Variants in RABGAP1L observed in about 807,000 individuals in gnomAD.
RABGAP1L encodes the protein rab GTPase-activating protein 1-like.
In RABGAP1L, 63 loss-of-function variants were observed where a neutral mutation model predicts 137.7. The ratio of observed to expected loss-of-function variants is 0.46; its 90% CI spans 0.37 to 0.56. RABGAP1L has a LOEUF of 0.56. Ranked by LOEUF, RABGAP1L falls within the 20% of genes least tolerant of loss-of-function variation. The pLI, the probability that RABGAP1L is intolerant of heterozygous loss-of-function variation, is 0.00. For missense variants in RABGAP1L, 1,095 were observed against 1,244.0 expected (o/e 0.88, Z 1.80); for synonymous variants, 431 against 433.7 (o/e 0.99, Z 0.08).
intron 19 of RABGAP1L, among the ~76,000 whole-genome samples, chr1:174,819,567 G>T (rs537491982): frequency 2.4e-4 from 36 of 152,268 alleles, no homozygotes; most frequent in African/African-American, 8.7e-4. Context: ...AAGAGCAAAG[G>T]AACCTGACCT....
At chr1:174,621,022 C>G (rs916375127) in intron 13 of RABGAP1L, among the ~76,000 whole-genome samples, 5 of 152,076 alleles carry the variant, frequency 3.3e-5, no homozygotes, top group Admixed American at 2.0e-4. Context: ...CACAAATAAA[C>G]TAGAAAATCT....
At chr1:174,977,350 G>A (rs1670734092) in intron 22 of RABGAP1L, among the ~76,000 whole-genome samples, 1 of 152,096 alleles carries the variant, frequency 6.6e-6, no homozygotes, top group Non-Finnish European at 1.5e-5. Context: ...GCTCCTTAAT[G>A]GGTTTTGTTT....
At chr1:174,261,228 A>G (rs1362922019) in intron 7 of RABGAP1L, among the ~76,000 whole-genome samples, 1 of 152,146 alleles carries the variant, frequency 6.6e-6, no homozygotes, top group Non-Finnish European at 1.5e-5. Flanking sequence ...ACATGGGCCA[A>G]CACTGTTGGA....
intron 13 of RABGAP1L, among the ~76,000 whole-genome samples, chr1:174,470,976 C>T (rs1287966438): frequency 6.6e-6 from 1 of 151,888 alleles, no homozygotes; most frequent in Non-Finnish European, 1.5e-5. Flanking sequence ...ACATATTAAG[C>T]TTTTTTGTAT....
At chr1:174,880,033 C>T (rs1197284962) in intron 19 of RABGAP1L, among the ~76,000 whole-genome samples, 2 of 140,042 alleles carry the variant, frequency 1.4e-5, no homozygotes, top group East Asian at 4.2e-4. Flanking sequence ...GTGGATGTCA[C>T]GGTGAGCTGA....
At chr1:174,917,799 G>A (rs890894632) in intron 19 of RABGAP1L, among the ~76,000 whole-genome samples, 1 of 152,036 alleles carries the variant, frequency 6.6e-6, no homozygotes, top group Non-Finnish European at 1.5e-5. Flanking sequence ...CAGGCATGCT[G>A]GCGATTACCC....
chr1:174,840,898 G>A (rs1255281160), intron 19 of RABGAP1L, among the ~76,000 whole-genome samples: 1 of 150,562 alleles, frequency 6.6e-6, no homozygotes, highest in Non-Finnish European at 1.5e-5. Context: ...GAAAACATGG[G>A]AAACACAAAG....
chr1:174,814,225 A>G (rs1255684945), intron 19 of RABGAP1L, among the ~76,000 whole-genome samples: 40 of 152,228 alleles, frequency 2.6e-4, no homozygotes, highest in Admixed American at 2.6e-3. Context: ...ACCAGAATAA[A>G]TTTTTTGGAC....
intron 13 of RABGAP1L, among the ~76,000 whole-genome samples, chr1:174,500,182 C>A (rs892936789): frequency 6.6e-6 from 1 of 151,660 alleles, no homozygotes; most frequent in Non-Finnish European, 1.5e-5. Flanking sequence ...CGGGTTCAAG[C>A]GATTCTCCTG....
chr1:174,854,385 A>T (rs945836306), intron 19 of RABGAP1L, among the ~76,000 whole-genome samples: 2 of 152,166 alleles, frequency 1.3e-5, no homozygotes, highest in African/African-American at 4.8e-5. Context: ...CCTTATTCAT[A>T]AAACACTAGG....
At chr1:174,422,944 C>T (rs61826870) in intron 13 of RABGAP1L, among the ~76,000 whole-genome samples, 1 of 85,860 alleles carries the variant, frequency 1.2e-5, no homozygotes, top group Non-Finnish European at 2.1e-5. Flanking sequence ...GAGATTCTGT[C>T]CAAAAAAAAA....
intron 19 of RABGAP1L, chr1:174,875,688 T>G (rs1346640387): frequency 1.0e-6 from 1 of 985,222 alleles, no homozygotes; most frequent in East Asian, 1.1e-4. Context: ...TTTAAAGTAC[T>G]TCTGAAAAGA....
chr1:174,680,899 A>C (rs1349582472), intron 14 of RABGAP1L, among the ~76,000 whole-genome samples: 3 of 152,214 alleles, frequency 2.0e-5, no homozygotes, highest in East Asian at 3.8e-4. Context: ...AAAAAAACAA[A>C]AAACAAAAAT....
intron 19 of RABGAP1L, among the ~76,000 whole-genome samples, chr1:174,858,923 GGTT>G (rs1308152141): frequency 3.3e-5 from 5 of 152,174 alleles, no homozygotes; most frequent in African/African-American, 9.7e-5. Context: ...ATGCTGGTGA[GGTT>G]GTTGAGAAAA....
intron 19 of RABGAP1L, among the ~76,000 whole-genome samples, chr1:174,904,975 C>T (rs547831007): frequency 1.2e-4 from 19 of 152,182 alleles, no homozygotes; most frequent in African/African-American, 4.6e-4. Context: ...TGGACAGGAA[C>T]CTCTAGCCAG....
chr1:174,763,297 T>A (rs1685378584), intron 18 of RABGAP1L, among the ~76,000 whole-genome samples: 1 of 151,530 alleles, frequency 6.6e-6, no homozygotes, highest in African/African-American at 2.4e-5. Context: ...GGTGGGTGGA[T>A]CAGAGGTCAG....
intron 14 of RABGAP1L, among the ~76,000 whole-genome samples, chr1:174,657,029 G>A (rs564111313): frequency 6.6e-6 from 1 of 152,268 alleles, no homozygotes; most frequent in African/African-American, 2.4e-5. Context: ...CTGCACATGA[G>A]CATTGCTCTC....
intron 13 of RABGAP1L, among the ~76,000 whole-genome samples, chr1:174,585,186 A>T (rs1349883662): frequency 1.3e-5 from 2 of 152,112 alleles, no homozygotes; most frequent in East Asian, 3.8e-4. Flanking sequence ...CTACAGTAAA[A>T]TTTTAAATTA....
chr1:174,667,228 CT>C (rs1224673203), intron 14 of RABGAP1L, among the ~76,000 whole-genome samples: 1 of 152,000 alleles, frequency 6.6e-6, no homozygotes, highest in Non-Finnish European at 1.5e-5. Flanking sequence ...GTTATTTTTC[CT>C]TTTGAGGATA....
Sources: gnomAD v4.1 joint callset for allele counts (sites outside exome capture counted in the v4.1 genomes callset) on GRCh38, gnomAD v4.1.1 for gene constraint, MANE v1.5 for transcripts, NCBI Gene and HGNC (gene_info 2026-07-23, HGNC 2026-07-21) for gene names.